The following ROBO2 variants were observed in gnomAD, a reference collection of about 807,000 sequenced individuals.
The protein encoded by ROBO2 is roundabout homolog 2.
Under a neutral mutation model 160.8 loss-of-function variants are expected in ROBO2, and 53 were observed. The ratio of observed to expected loss-of-function variants is 0.33; its 90% CI spans 0.26 to 0.41. The LOEUF is 0.41. ROBO2 is among the 10% of genes least tolerant of loss of function. The pLI, the probability that ROBO2 is intolerant of heterozygous loss-of-function variation, is 1.00. For missense variants in ROBO2, 1,577 were observed against 1,722.4 expected (o/e 0.92, Z 1.49); for synonymous variants, 664 against 611.7 (o/e 1.09, Z -1.26).
intron 2 of ROBO2, among the ~76,000 whole-genome samples, chr3:75,943,765 A>C (rs1948156087): frequency 6.6e-6 from 1 of 151,942 alleles, no homozygotes; most frequent in Non-Finnish European, 1.5e-5. Flanking sequence ...GCAGTGACAC[A>C]ATCTTGGCTC....
chr3:77,236,445 A>G (rs2087993082), intron 2 of ROBO2, among the ~76,000 whole-genome samples: 1 of 152,202 alleles, frequency 6.6e-6, no homozygotes, highest in African/African-American at 2.4e-5. Context: ...ATGATGACGC[A>G]TGTCCAACTC....
rs1329438544 is a variant in ROBO2 at position 77,392,841 on chromosome 3, A to G, written c.389-84573A>G. Among the ~76,000 whole-genome samples, 4 of 152,178 alleles carry G rather than the reference A, an allele frequency of 2.6e-5. No homozygotes were observed. In the South Asian group the frequency reaches 8.3e-4, roughly 32 times the overall value. On this transcript the variant is annotated intron_variant, in intron 2 of 25. Transcript: ENST00000461745. ...TTTCTTCTGAATTTGCAGAAGTATT[A>G]TGAACTTTGGTCTGTTCCGTGTTAT...
At chr3:77,104,268 C>G (rs1236642959) in intron 2 of ROBO2, among the ~76,000 whole-genome samples, 1 of 152,116 alleles carries the variant, frequency 6.6e-6, no homozygotes, top group Non-Finnish European at 1.5e-5. Context: ...CTTTCTATAG[C>G]TATACATTTT....
At chr3:76,687,602 T>A (rs571790385) in intron 2 of ROBO2, among the ~76,000 whole-genome samples, 2 of 151,978 alleles carry the variant, frequency 1.3e-5, no homozygotes, top group African/African-American at 4.8e-5. Context: ...GACATCCTTA[T>A]GTAACAGAAC....
intron 2 of ROBO2, among the ~76,000 whole-genome samples, chr3:76,285,642 AC>A (rs1708471680): frequency 6.6e-6 from 1 of 152,160 alleles, no homozygotes; most frequent in South Asian, 2.1e-4. Flanking sequence ...ATAAGAGACT[AC>A]CTTGTTCTAA....
chr3:77,222,129 G>A (rs2085897782), intron 2 of ROBO2, among the ~76,000 whole-genome samples: 1 of 151,956 alleles, frequency 6.6e-6, no homozygotes, highest in Non-Finnish European at 1.5e-5. Flanking sequence ...GGGATTACAG[G>A]CATGAGCCAC....
intron 2 of ROBO2, among the ~76,000 whole-genome samples, chr3:76,445,658 G>A (rs1488158871): frequency 6.6e-5 from 10 of 152,050 alleles, no homozygotes; most frequent in Admixed American, 1.3e-4. Context: ...CTGGCAAACC[G>A]AGTCCAGCAA....
At chr3:76,294,476 C>T (rs1708968484) in intron 2 of ROBO2, among the ~76,000 whole-genome samples, 1 of 152,104 alleles carries the variant, frequency 6.6e-6, no homozygotes, top group African/African-American at 2.4e-5. Context: ...TTAATTGGCC[C>T]CAAATATCCA....
chr3:76,940,274 G>A (rs905973677), intron 2 of ROBO2, among the ~76,000 whole-genome samples: 2 of 152,076 alleles, frequency 1.3e-5, no homozygotes, highest in Non-Finnish European at 2.9e-5. Flanking sequence ...GAGCCACTGC[G>A]CCTCGCCGCA....
chr3:77,470,678 G>A (rs1278922453), intron 2 of ROBO2, among the ~76,000 whole-genome samples: 1 of 152,070 alleles, frequency 6.6e-6, no homozygotes, highest in Non-Finnish European at 1.5e-5. Flanking sequence ...AATTCTTACT[G>A]AAAATCAGCA....
rs181794917 is a variant in ROBO2, at chr3:76,531,716, G to A, written c.110-566298G>A. ...TGAAGTTGTTGTATAGTATATCAAG[G>A]CTTCTGATGCTATTTGTTGAAAAAA... On this transcript the variant is annotated intron_variant, in intron 2 of 26. Coordinates refer to the ROBO2 transcript ENST00000487694. Among the ~76,000 whole-genome samples the A allele has an allele frequency of 2.7e-5, 4 of 149,506 alleles. No homozygotes were observed. The East Asian group carries it at 8.1e-4, about 30-fold the overall frequency.
At chr3:77,594,527 A>G (rs2094254790) in intron 17 of ROBO2, among the ~76,000 whole-genome samples, 1 of 152,166 alleles carries the variant, frequency 6.6e-6, no homozygotes, top group South Asian at 2.1e-4. Context: ...ACTACATACA[A>G]TTAGGAATAT....
At chr3:76,479,628 G>C (rs1040569515) in intron 2 of ROBO2, among the ~76,000 whole-genome samples, 4 of 152,156 alleles carry the variant, frequency 2.6e-5, no homozygotes, top group Admixed American at 2.0e-4. Context: ...GCAGTCAGCA[G>C]AAGATAAAGG....
intron 13 of ROBO2, among the ~76,000 whole-genome samples, chr3:77,573,766 C>G (rs536425051): frequency 2.0e-5 from 3 of 152,036 alleles, no homozygotes; most frequent in Admixed American, 1.3e-4. Flanking sequence ...TGCTTTGCCT[C>G]TGCTTCCCAA....
intron 2 of ROBO2, among the ~76,000 whole-genome samples, chr3:75,957,248 A>AC (rs1948753033): frequency 1.3e-5 from 2 of 149,476 alleles, no homozygotes; most frequent in African/African-American, 4.9e-5. Context: ...ACACACACAA[A>AC]ACACACACAC....
chr3:75,973,402 A>T (rs1185470671), intron 2 of ROBO2, among the ~76,000 whole-genome samples: 1 of 151,604 alleles, frequency 6.6e-6, no homozygotes. Flanking sequence ...ATGGCCACTG[A>T]CACAATAATA....
At chr3:77,292,314 A>G (rs7426859) in intron 2 of ROBO2, among the ~76,000 whole-genome samples, 88,821 of 144,056 alleles carry the variant, frequency 0.62, 27,109 homozygotes, top group East Asian at 0.76. Flanking sequence ...ATGGTTAAAT[A>G]GGAAGTTGAG....
intron 2 of ROBO2, among the ~76,000 whole-genome samples, chr3:77,291,124 C>A (rs1293821166): frequency 2.7e-5 from 4 of 150,446 alleles, no homozygotes; most frequent in Non-Finnish European, 4.4e-5. Flanking sequence ...TAGATCACCC[C>A]AGACATAAAG....
chr3:76,613,902 T>C (rs1018542547), intron 2 of ROBO2, among the ~76,000 whole-genome samples: 16 of 152,072 alleles, frequency 1.1e-4, no homozygotes, highest in African/African-American at 3.9e-4. Context: ...TTTTGAAAAA[T>C]GATAGGATAA....
Sources: allele counts gnomAD v4.1 joint callset (sites outside exome capture counted in the v4.1 genomes callset), GRCh38; gene constraint gnomAD v4.1.1; transcripts MANE v1.5; gene names NCBI Gene and HGNC (gene_info 2026-07-23, HGNC 2026-07-21).